ANO3: variants seen among roughly 807,000 people sequenced by gnomAD.
ANO3 encodes the protein anoctamin-3.
ANO3 carries 99 observed loss-of-function variants against 144.8 expected under a neutral mutation model. The ratio of observed to expected loss-of-function variants is 0.68; its 90% CI spans 0.58 to 0.81. The LOEUF is 0.81. ANO3 is among the 30% of genes least tolerant of loss of function. ANO3 has a pLI of 0.00. For synonymous variants in ANO3, 414 were observed against 392.6 expected, an observed-to-expected ratio of 1.05 and a Z score of -0.64; for missense variants, 905 against 1,202.2, an observed-to-expected ratio of 0.75 and a Z score of 3.66.
rs537828124 is a variant in ANO3, at chr11:26,589,512, C to T, written c.1448-8853C>T. Among the ~76,000 whole-genome samples, 3 of 151,748 alleles carry T rather than the reference C, an allele frequency of 2.0e-5. No individual in the cohort carries two copies. In the South Asian group the frequency reaches 6.3e-4, roughly 32 times the overall value. On this transcript the variant is annotated intron_variant, in intron 14 of 26. Coordinates refer to ENST00000256737, the MANE Select transcript of ANO3 (RefSeq NM_031418.4). ...ATGGGTTTTTTGCATATTCACAGAG[C>T]CGCACAACCCTCACTACAATCAATG...
Position 26,285,067 on chromosome 11 carries a change from T to G in ANO3, c.155-24578T>G, listed in dbSNP as rs555614700. On this transcript the variant is annotated intron_variant, in intron 1 of 27. Coordinates refer to the ANO3 transcript ENST00000672621. Reference sequence around the variant, plus strand: ...CTTCAGAATTTCCACTAGGGGGAGCTACCACTATGTGGTTTATTTACTGTG... The same window carrying G: ...CTTCAGAATTTCCACTAGGGGGAGCGACCACTATGTGGTTTATTTACTGTG... 9.2e-5 allele frequency among the ~76,000 whole-genome samples: 14 copies of G among 152,288 alleles called. No homozygotes were observed. In the South Asian group the frequency reaches 2.7e-3, roughly 29 times the overall value.
chr11:26,343,347 C>T (rs745439912), intron 1 of ANO3, among the ~76,000 whole-genome samples: 2 of 152,176 alleles, frequency 1.3e-5, no homozygotes, highest in East Asian at 1.9e-4. Context: ...AATAATGCTG[C>T]AGTGAACATG....
At chr11:26,235,594 CTTT>C (rs55765741) in intron 1 of ANO3, among the ~76,000 whole-genome samples, 1,625 of 139,716 alleles carry the variant, frequency 0.012, 19 homozygotes, top group African/African-American at 0.029. Flanking sequence ...ACAATGTATA[CTTT>C]TTTTTTTTTT....
chr11:26,243,927 G>T (rs1852722168), intron 1 of ANO3, among the ~76,000 whole-genome samples: 1 of 151,980 alleles, frequency 6.6e-6, no homozygotes, highest in Admixed American at 6.5e-5. Context: ...ATACCAGCCT[G>T]GTCAGAATGG....
chr11:26,295,007 C>T (rs1302228488), intron 1 of ANO3, among the ~76,000 whole-genome samples: 1 of 151,922 alleles, frequency 6.6e-6, no homozygotes, highest in African/African-American at 2.4e-5. Context: ...CAAGCGATTC[C>T]CCTGCCTCAG....
At position 26,598,526 on chromosome 11, in the gene ANO3, T is replaced by G; in HGVS notation, c.1530+79T>G. 3 of 988,646 alleles carry G rather than the reference T, an allele frequency of 3.0e-6. No individual in the cohort carries two copies. In the South Asian group the frequency reaches 4.8e-5, roughly 16 times the overall value. 61.2% of individuals were successfully genotyped at this position (988,646 alleles called of 1,614,324 possible). A position where few individuals can be genotyped will look rare whatever the true frequency, so the allele number is the denominator to read the frequency against. ...AAAATTACTGCCCTAGCATTCCGGCTGGAAGCAGTTAACCACCATTAGATT... is the reference window on the plus strand; with the variant it reads ...AAAATTACTGCCCTAGCATTCCGGCGGGAAGCAGTTAACCACCATTAGATT... On this transcript the variant is annotated intron_variant, in intron 15 of 26. Coordinates refer to ENST00000256737, the MANE Select transcript of ANO3 (RefSeq NM_031418.4).
At chr11:26,443,700 A>G (rs199779951) in intron 2 of ANO3, 65 bp from the exon 3 acceptor site, 41 of 761,826 alleles carry the variant, frequency 5.4e-5, no homozygotes, top group East Asian at 2.7e-4. Flanking sequence ...ATCTATAACC[A>G]TGGTTATTTT....
intron 1 of ANO3, among the ~76,000 whole-genome samples, chr11:26,242,679 A>G (rs77637740): frequency 0.017 from 2,532 of 152,330 alleles, 56 homozygotes; most frequent in East Asian, 0.13. Context: ...AGTTTGATGG[A>G]AATACTAATT....
At chr11:26,331,616 C>T (rs563861066), upstream of ANO3, 1 of 152,298 alleles carries the variant, frequency 6.6e-6, no homozygotes, top group East Asian at 1.9e-4. Context: ...CAGTCATCAT[C>T]ATCATAAATG....
intron 1 of ANO3, among the ~76,000 whole-genome samples, chr11:26,317,352 A>C (rs1213810583): frequency 6.6e-6 from 1 of 152,150 alleles, no homozygotes; most frequent in East Asian, 1.9e-4. Flanking sequence ...AAATTTTTGC[A>C]ATCTATCCAT....
intron 14 of ANO3, among the ~76,000 whole-genome samples, chr11:26,593,032 C>T (rs1851498123): frequency 6.6e-6 from 1 of 151,868 alleles, no homozygotes; most frequent in Non-Finnish European, 1.5e-5. Flanking sequence ...TTGGTGGTTC[C>T]CTTCTATTTC....
At chr11:26,195,259 C>A (rs1851562023) in intron 1 of ANO3, among the ~76,000 whole-genome samples, 1 of 152,110 alleles carries the variant, frequency 6.6e-6, no homozygotes. Flanking sequence ...GCTGTGTTAG[C>A]TTTAAGTATT....
intron 1 of ANO3, among the ~76,000 whole-genome samples, chr11:26,279,650 C>G (rs901970537): frequency 2.0e-5 from 3 of 152,142 alleles, no homozygotes; most frequent in South Asian, 2.1e-4. Flanking sequence ...TCAAGATAGC[C>G]TTGCAAGTAG....
chr11:26,267,959 A>T (rs1229877668), intron 1 of ANO3, among the ~76,000 whole-genome samples: 2 of 152,204 alleles, frequency 1.3e-5, no homozygotes. Flanking sequence ...AATCCAAAGT[A>T]ATCTGTGAAT....
chr11:26,438,952 T>G (rs1858410661), intron 1 of ANO3, among the ~76,000 whole-genome samples: 1 of 152,178 alleles, frequency 6.6e-6, no homozygotes, highest in African/African-American at 2.4e-5. Context: ...GAAGCTACAA[T>G]GCTAAAGACG....
At chr11:26,331,953 C>G, upstream of ANO3, 1 of 490,084 alleles carries the variant, frequency 2.0e-6, no homozygotes, top group East Asian at 3.9e-5. Flanking sequence ...ATATCTCCTC[C>G]TCCAGTAAAG....
chr11:26,561,976 G>A (rs1850312108), intron 14 of ANO3, among the ~76,000 whole-genome samples: 2 of 151,722 alleles, frequency 1.3e-5, no homozygotes, highest in African/African-American at 4.8e-5. Flanking sequence ...TTTACAAATT[G>A]GGCTCCCAGG....
At chr11:26,501,749 C>T (rs1260303511) in intron 4 of ANO3, among the ~76,000 whole-genome samples, 1 of 152,060 alleles carries the variant, frequency 6.6e-6, no homozygotes, top group East Asian at 1.9e-4. Context: ...AAATGTAAGT[C>T]GAATGGAAAA....
chr11:26,447,103 A>T (rs1226780435), intron 3 of ANO3, among the ~76,000 whole-genome samples: 1 of 147,070 alleles, frequency 6.8e-6, no homozygotes, highest in African/African-American at 2.5e-5. Context: ...GCTACGCAGG[A>T]GGCTGAGATG....
Sources: gnomAD v4.1 joint callset for allele counts (sites outside exome capture counted in the v4.1 genomes callset) on GRCh38, gnomAD v4.1.1 for gene constraint, MANE v1.5 for transcripts, NCBI Gene and HGNC (gene_info 2026-07-23, HGNC 2026-07-21) for gene names.